Variants in ENTREP2 observed in about 807,000 individuals in gnomAD.
ENTREP2 encodes the protein protein ENTREP2.
chr15:29,533,221 G>A, the ENTREP2 span, among the ~76,000 whole-genome samples: 4 of 152,136 alleles, frequency 2.6e-5, no homozygotes, highest in Non-Finnish European at 5.9e-5. Context: ...CTCTTGCAGT[G>A]CGCTATGTCT....
chr15:29,460,310 AATGT>A, the ENTREP2 span, among the ~76,000 whole-genome samples: 1 of 151,936 alleles, frequency 6.6e-6, no homozygotes, highest in African/African-American at 2.4e-5. Flanking sequence ...AATATGAAAC[AATGT>A]ATGTGTCAGT....
At chr15:29,538,387 G>C in the ENTREP2 span, among the ~76,000 whole-genome samples, 1 of 152,132 alleles carries the variant, frequency 6.6e-6, no homozygotes, top group East Asian at 1.9e-4. Context: ...AACGATGACT[G>C]ATCATAATGG....
the ENTREP2 span, among the ~76,000 whole-genome samples, chr15:29,304,117 G>C: frequency 6.6e-6 from 1 of 152,062 alleles, no homozygotes; most frequent in South Asian, 2.1e-4. Context: ...CTCTGACCTC[G>C]GGTGATCTGC....
the ENTREP2 span, among the ~76,000 whole-genome samples, chr15:29,405,046 C>A: frequency 7.2e-5 from 11 of 152,172 alleles, no homozygotes; most frequent in African/African-American, 2.7e-4. Flanking sequence ...CCTGCCTGGA[C>A]TCCTGGTCAC....
the ENTREP2 span, among the ~76,000 whole-genome samples, chr15:29,578,036 C>T: frequency 6.6e-6 from 1 of 152,000 alleles, no homozygotes. Flanking sequence ...TGGGAATGTG[C>T]TTAATGCCAC....
the ENTREP2 span, among the ~76,000 whole-genome samples, chr15:29,564,784 T>C: frequency 2.0e-5 from 3 of 152,166 alleles, no homozygotes; most frequent in East Asian, 5.8e-4. Context: ...ATGCTGGTGG[T>C]TTGGCCAAAC....
At chr15:29,560,094 C>T in the ENTREP2 span, among the ~76,000 whole-genome samples, 1 of 152,146 alleles carries the variant, frequency 6.6e-6, no homozygotes, top group Non-Finnish European at 1.5e-5. Flanking sequence ...TACGGGGCTA[C>T]CAGAATAATC....
At chr15:29,147,434 C>T in the ENTREP2 span, among the ~76,000 whole-genome samples, 1 of 151,440 alleles carries the variant, frequency 6.6e-6, no homozygotes, top group African/African-American at 2.4e-5. Context: ...AAATGAAATA[C>T]CACTTCACCA....
chr15:29,601,654 C>T, the ENTREP2 span, among the ~76,000 whole-genome samples: 9 of 152,286 alleles, frequency 5.9e-5, no homozygotes, highest in East Asian at 5.8e-4. Context: ...CCATTTACAT[C>T]CCATTCAAAT....
At chr15:29,366,863 C>A in the ENTREP2 span, among the ~76,000 whole-genome samples, 2 of 152,184 alleles carry the variant, frequency 1.3e-5, no homozygotes, top group Non-Finnish European at 2.9e-5. Flanking sequence ...TCAAATAAGA[C>A]CCTTGAACAA....
the ENTREP2 span, among the ~76,000 whole-genome samples, chr15:29,459,466 T>C: frequency 1.3e-5 from 2 of 152,200 alleles, no homozygotes; most frequent in African/African-American, 4.8e-5. Flanking sequence ...AGATTATTTC[T>C]CACCCTTACT....
chr15:29,515,426 C>T, the ENTREP2 span, among the ~76,000 whole-genome samples: 1 of 152,204 alleles, frequency 6.6e-6, no homozygotes, highest in Non-Finnish European at 1.5e-5. Context: ...CGGATGATGA[C>T]CACCTGCATT....
At chr15:29,527,174 GC>G in the ENTREP2 span, among the ~76,000 whole-genome samples, 1 of 152,038 alleles carries the variant, frequency 6.6e-6, no homozygotes, top group South Asian at 2.1e-4. Flanking sequence ...GCCAGGCCAT[GC>G]CCCCGTTTCT....
chr15:29,537,878 C>G, the ENTREP2 span, among the ~76,000 whole-genome samples: 1 of 152,056 alleles, frequency 6.6e-6, no homozygotes, highest in Non-Finnish European at 1.5e-5. Context: ...GTGAACAACC[C>G]AAGGCGGTTC....
chr15:29,366,127 G>T, the ENTREP2 span, among the ~76,000 whole-genome samples: 1 of 152,164 alleles, frequency 6.6e-6, no homozygotes, highest in Non-Finnish European at 1.5e-5. Context: ...AGTCTGGAGT[G>T]CAGTAGCATG....
chr15:29,121,434 GCCCTAGTGTGGACCCCCC>G, the ENTREP2 span: 1 of 152,050 alleles, frequency 6.6e-6, no homozygotes, highest in Non-Finnish European at 1.5e-5. Flanking sequence ...GAACCCCCAA[GCCCTAGTGTGGACCCCCC>G]CAAGCAGGTG....
the ENTREP2 span, among the ~76,000 whole-genome samples, chr15:29,241,322 G>A: frequency 7.9e-5 from 12 of 152,280 alleles, no homozygotes; most frequent in Admixed American, 7.2e-4. Context: ...ACTTTGAGTA[G>A]GGAAAACATT....
chr15:29,392,186 T>C, the ENTREP2 span, among the ~76,000 whole-genome samples: 9 of 152,124 alleles, frequency 5.9e-5, no homozygotes, highest in East Asian at 1.7e-3. Flanking sequence ...ATGGTCTCGA[T>C]CTCCTGACCT....
chr15:29,423,327 A>G, the ENTREP2 span, among the ~76,000 whole-genome samples: 1 of 152,190 alleles, frequency 6.6e-6, no homozygotes, highest in Non-Finnish European at 1.5e-5. Flanking sequence ...CTTCACAATG[A>G]AAATTCCTTC....
Sources: gnomAD v4.1 joint callset for allele counts (sites outside exome capture counted in the v4.1 genomes callset) on GRCh38, gnomAD v4.1.1 for gene constraint, MANE v1.5 for transcripts, NCBI Gene and HGNC (gene_info 2026-07-23, HGNC 2026-07-21) for gene names.